TANGO6: variants seen among roughly 807,000 people sequenced by gnomAD.
TANGO6 encodes the protein transport and Golgi organization protein 6 homolog.
A neutral mutation model predicts 114.2 loss-of-function variants in TANGO6; 90 were observed. The ratio of observed to expected loss-of-function variants is 0.79; its 90% CI spans 0.66 to 0.94. The LOEUF (loss-of-function observed/expected upper bound fraction) is 0.94, where lower values mean the gene tolerates loss of function less well. Among genes scored for constraint, TANGO6 ranks in the 40% least tolerant of loss-of-function variants. The pLI is 0.00. For missense variants in TANGO6, 1,274 were observed against 1,315.3 expected (o/e 0.97, Z 0.49); for synonymous variants, 477 against 509.8 (o/e 0.94, Z 0.87).
chr16:68,983,901 CG>C (rs1206699589), intron 15 of TANGO6, among the ~76,000 whole-genome samples: 1 of 151,886 alleles, frequency 6.6e-6, no homozygotes, highest in Non-Finnish European at 1.5e-5. Context: ...GTCGTGTTGG[CG>C]GGTGCCTGTT....
rs888325880 is a variant in TANGO6 at position 69,049,621 on chromosome 16, G to A, written c.3108+9200G>A. Among the ~76,000 whole-genome samples, 7 of 151,804 alleles carry A rather than the reference G, an allele frequency of 4.6e-5. No homozygotes were observed. In the South Asian group the frequency reaches 1.3e-3, roughly 27 times the overall value. ...TAATTTTTGTATTTTTAGTAGAGAC[G>A]GGATTTCACCATGTTGGCCAGGCTG... On this transcript the variant is annotated intron_variant, in intron 17 of 17. Transcript: ENST00000261778.
intron 17 of TANGO6, among the ~76,000 whole-genome samples, chr16:69,044,165 A>G (rs1394809993): frequency 6.6e-6 from 1 of 152,180 alleles, no homozygotes; most frequent in Non-Finnish European, 1.5e-5. Flanking sequence ...CCCGGGTTCA[A>G]GCAATTCTCA....
intron 15 of TANGO6, among the ~76,000 whole-genome samples, chr16:68,992,723 A>G (rs1255904608): frequency 2.0e-5 from 3 of 152,140 alleles, no homozygotes; most frequent in Non-Finnish European, 4.4e-5. Flanking sequence ...TTTCCAAGTC[A>G]TTCTTATGTC....
At position 68,926,620 on chromosome 16, in the gene TANGO6, C is replaced by T. The variant is rs180943366; in HGVS notation, c.2128-948C>T. On this transcript the variant is annotated intron_variant, in intron 12 of 17. Coordinates refer to ENST00000261778, the MANE Select transcript of TANGO6 (RefSeq NM_024562.2). ...TCAGCTCACTGCAACCTCTGCCTCC[C>T]GGGTTTAAGCGATTCTCCTGCCTCA... 6.9e-4 allele frequency among the ~76,000 whole-genome samples: 104 copies of T among 151,672 alleles called. 1 individual carries two copies. Among genetic ancestry groups the T allele is most frequent in the East Asian group, 5.9e-4 (3 of 5,116 alleles).
intron 7 of TANGO6, among the ~76,000 whole-genome samples, chr16:68,886,417 C>G (rs1004305568): frequency 2.6e-5 from 4 of 151,384 alleles, no homozygotes; most frequent in African/African-American, 9.7e-5. Context: ...GGTTTATTGT[C>G]TTTTCATTAT....
chr16:68,959,180 C>T (rs1347840182), intron 14 of TANGO6, among the ~76,000 whole-genome samples: 8 of 152,198 alleles, frequency 5.3e-5, no homozygotes, highest in Admixed American at 2.0e-4. Flanking sequence ...TTAAGTCCTG[C>T]ATGTCATGTT....
intron 5 of TANGO6, 143 bp from the exon 6 acceptor site, chr16:68,877,975 T>C (rs1962394207): frequency 1.5e-6 from 1 of 681,828 alleles, no homozygotes; most frequent in Non-Finnish European, 2.3e-6. Flanking sequence ...ATACTGGGTA[T>C]GTTAAATTAA....
intron 4 of TANGO6, among the ~76,000 whole-genome samples, chr16:68,872,782 C>T (rs116339879): frequency 0.014 from 2,104 of 150,608 alleles, 38 homozygotes; most frequent in African/African-American, 0.049. Context: ...CTACAGCTTG[C>T]GCCTCCCATG....
chr16:69,006,736 G>A (rs1208357005), intron 15 of TANGO6, among the ~76,000 whole-genome samples: 2 of 152,208 alleles, frequency 1.3e-5, no homozygotes, highest in Non-Finnish European at 2.9e-5. Flanking sequence ...GGGTAACAGA[G>A]CGAGACTCTG....
chr16:68,857,060 G>A (rs549017975), intron 1 of TANGO6, among the ~76,000 whole-genome samples: 15 of 152,362 alleles, frequency 9.8e-5, no homozygotes, highest in African/African-American at 1.4e-4. Context: ...AGTGAGCCAA[G>A]ATCGCACCGC....
At chr16:69,069,329 A>G (rs530629215) in intron 17 of TANGO6, among the ~76,000 whole-genome samples, 15 of 152,276 alleles carry the variant, frequency 9.9e-5, no homozygotes, top group East Asian at 3.9e-4. Flanking sequence ...TCTACTGACA[A>G]TTCTTGACTC....
chr16:69,068,343 A>G (rs934302507), intron 17 of TANGO6, among the ~76,000 whole-genome samples: 3 of 152,150 alleles, frequency 2.0e-5, no homozygotes, highest in Admixed American at 6.5e-5. Flanking sequence ...GAGACGGTAC[A>G]GTATAGTGAT....
At chr16:68,990,460 A>G (rs1013730614) in intron 15 of TANGO6, among the ~76,000 whole-genome samples, 1 of 152,170 alleles carries the variant, frequency 6.6e-6, no homozygotes, top group Non-Finnish European at 1.5e-5. Context: ...AACCGCCCCC[A>G]TGATTCAGTT....
Position 69,083,675 on chromosome 16 carries a change from G to C in TANGO6, c.*14G>C, listed in dbSNP as rs1567573151. 6.4e-7 allele frequency: 1 copy of C among 1,551,020 alleles called. No individual in the cohort carries two copies. Among genetic ancestry groups the C allele is most frequent in the Non-Finnish European group, 8.7e-7 (1 of 1,146,404 alleles). ...GTCCTGCCGTAGACCTGGCTCCAAGGACGTGGAGGAGGCAGGCAGGGCCAG... is the reference window on the plus strand; with the variant it reads ...GTCCTGCCGTAGACCTGGCTCCAAGCACGTGGAGGAGGCAGGCAGGGCCAG... On this transcript the variant is annotated 3_prime_UTR_variant, in exon 18 of 18. Coordinates refer to ENST00000261778, the MANE Select transcript of TANGO6 (RefSeq NM_024562.2).
At chr16:68,946,743 C>A (rs1963418516) in intron 14 of TANGO6, among the ~76,000 whole-genome samples, 1 of 152,190 alleles carries the variant, frequency 6.6e-6, no homozygotes, top group South Asian at 2.1e-4. Context: ...GTCAAGTAAT[C>A]TGCCTGTATC....
rs3061679 is a variant in TANGO6 at position 68,914,958 on chromosome 16, T to TACACACAC, written c.1993-4091_1993-4084dup. ...GGATCATACTACTTGTTTTGATATCTACACACACACACACACACACACACA... is the reference window on the plus strand; with the variant it reads ...GGATCATACTACTTGTTTTGATATCTACACACACACACACACACACACACACACACACA... On this transcript the variant is annotated intron_variant, in intron 11 of 17. Coordinates refer to ENST00000261778, the MANE Select transcript of TANGO6 (RefSeq NM_024562.2). 4.0e-3 allele frequency among the ~76,000 whole-genome samples: 541 copies of TACACACAC among 135,274 alleles called. 4 individuals are homozygous for TACACACAC. The highest frequency in any genetic ancestry group is 0.011 in the East Asian group (51 of 4,618). 88.7% of individuals were successfully genotyped at this position (135,274 alleles called of 152,430 possible).
intron 13 of TANGO6, among the ~76,000 whole-genome samples, chr16:68,928,440 G>A (rs1210449889): frequency 1.3e-5 from 2 of 151,536 alleles, no homozygotes; most frequent in Non-Finnish European, 2.9e-5. Flanking sequence ...GAGTAGCTGG[G>A]ACTACAGGTG....
At chr16:68,950,200 GT>G (rs1221387570) in intron 14 of TANGO6, among the ~76,000 whole-genome samples, 1 of 152,136 alleles carries the variant, frequency 6.6e-6, no homozygotes, top group East Asian at 1.9e-4. Flanking sequence ...AGATGAAAAT[GT>G]TTTGGAATTA....
At chr16:68,887,437 T>G (rs370403612) in intron 7 of TANGO6, among the ~76,000 whole-genome samples, 1 of 152,148 alleles carries the variant, frequency 6.6e-6, no homozygotes, top group African/African-American at 2.4e-5. Context: ...TAAGGCACAA[T>G]GACAAGAGAA....
Sources: gnomAD v4.1 joint callset for allele counts (sites outside exome capture counted in the v4.1 genomes callset) on GRCh38, gnomAD v4.1.1 for gene constraint, MANE v1.5 for transcripts, NCBI Gene and HGNC (gene_info 2026-07-23, HGNC 2026-07-21) for gene names.